Variants in MYO18B observed in about 807,000 individuals in gnomAD.
The protein encoded by MYO18B is myosin XVIIIB, also known as unconventional myosin-XVIIIb.
MYO18B carries 204 observed loss-of-function variants against 273.0 expected under a neutral mutation model. The observed-to-expected ratio is 0.75, with a 90% CI of 0.67 to 0.84. MYO18B has a LOEUF of 0.84. Ranked by LOEUF, MYO18B falls within the 40% of genes least tolerant of loss-of-function variation. The probability of loss-of-function intolerance (pLI) is 0.00; values close to 1 mark genes in which losing one functional copy is unlikely to be tolerated. For synonymous variants in MYO18B, 1,330 were observed against 1,305.7 expected, an observed-to-expected ratio of 1.02 and a Z score of -0.40; for missense variants, 3,212 against 3,287.6, an observed-to-expected ratio of 0.98 and a Z score of 0.56.
At chr22:25,997,697 A>C (rs1282262632) in intron 40 of MYO18B, among the ~76,000 whole-genome samples, 3 of 152,158 alleles carry the variant, frequency 2.0e-5, no homozygotes, top group Admixed American at 6.5e-5. Flanking sequence ...AAACAATGAA[A>C]AGAAGTATTT....
rs138506899 is a variant in MYO18B at position 25,869,473 on chromosome 22, AGAAG to A, written c.3951+1107_3951+1110del. ...TCAAAAAAAAAAAAAAAAAAAAAAA[AGAAG>A]GAAGGAAGGAAGGAAGGAGGGAGGG... On this transcript the variant is annotated intron_variant, in intron 22 of 43. Coordinates refer to ENST00000335473, the MANE Select transcript of MYO18B (RefSeq NM_032608.7). 1.3e-3 allele frequency among the ~76,000 whole-genome samples: 151 copies of A among 115,838 alleles called. 1 individual carries two copies. Among genetic ancestry groups the A allele is most frequent in the Middle Eastern group, 0.012 (3 of 248 alleles). The allele number at this position is 115,838 out of a possible 152,430, so 76.0% of individuals were successfully genotyped here.
intron 42 of MYO18B, among the ~76,000 whole-genome samples, chr22:26,015,005 T>TGATAA (rs1181094492): frequency 6.6e-6 from 1 of 151,428 alleles, no homozygotes; most frequent in Non-Finnish European, 1.5e-5. Context: ...TTCTGTAGGT[T>TGATAA]GTCTCTTCAC....
At chr22:25,826,622 G>A (rs2089502283) in intron 14 of MYO18B, 123 bp downstream of exon 14, 1 of 808,742 alleles carries the variant, frequency 1.2e-6, no homozygotes, top group Admixed American at 2.5e-5. Flanking sequence ...AAGGTGGACA[G>A]TGCTGGGTTT....
Position 25,757,447 on chromosome 22 carries a change from C to T in MYO18B, c.-109-3537C>T, listed in dbSNP as rs553136508. ...CCCATCTCTACAAAAAATTAGCGGG[C>T]GTGGTGGCACGTGCCTGTAGTCCCA... On this transcript the variant is annotated intron_variant, in intron 1 of 43. Coordinates refer to ENST00000335473, the MANE Select transcript of MYO18B (RefSeq NM_032608.7). Among the ~76,000 whole-genome samples the T allele has an allele frequency of 4.0e-4, 61 of 151,840 alleles. 1 individual carries two copies. In the Middle Eastern group the frequency reaches 0.01, roughly 26 times the overall value.
At chr22:25,904,900 G>C (rs2092009546) in intron 31 of MYO18B, among the ~76,000 whole-genome samples, 2 of 150,872 alleles carry the variant, frequency 1.3e-5, no homozygotes, top group Non-Finnish European at 2.9e-5. Flanking sequence ...TAAAATTCCT[G>C]GTGGCCAGAA....
intron 24 of MYO18B, among the ~76,000 whole-genome samples, chr22:25,876,559 T>C (rs1201924115): frequency 3.9e-5 from 6 of 152,150 alleles, no homozygotes; most frequent in Admixed American, 2.0e-4. Flanking sequence ...AGAGATGCTA[T>C]TACCACCCTG....
chr22:25,856,773 C>T (rs928318895), intron 21 of MYO18B, among the ~76,000 whole-genome samples: 1 of 152,174 alleles, frequency 6.6e-6, no homozygotes, highest in Non-Finnish European at 1.5e-5. Context: ...AGGAGTTTGA[C>T]AGAAGCAAAT....
intron 3 of MYO18B, among the ~76,000 whole-genome samples, chr22:25,763,927 A>T (rs2086416085): frequency 6.6e-6 from 1 of 152,218 alleles, no homozygotes; most frequent in Non-Finnish European, 1.5e-5. Context: ...TTGAGTTGGT[A>T]CTAACTGGTG....
chr22:25,987,969 C>T (rs1372325684), intron 39 of MYO18B, among the ~76,000 whole-genome samples: 2 of 152,156 alleles, frequency 1.3e-5, no homozygotes. Context: ...TCTCTCCATG[C>T]TTCAAATCTC....
intron 22 of MYO18B, among the ~76,000 whole-genome samples, chr22:25,869,449 C>CAAAA (rs58609325): frequency 1.6e-3 from 90 of 58,020 alleles, no homozygotes; most frequent in East Asian, 6.9e-3. Context: ...TACTGTGTCT[C>CAAAA]AAAAAAAAAA....
chr22:25,874,156 A>G, intron 22 of MYO18B, 130 bp from the exon 23 acceptor site: 2 of 1,122,874 alleles, frequency 1.8e-6, no homozygotes, highest in Non-Finnish European at 2.6e-6. Context: ...CCCACCTCCC[A>G]CTTAAAGGGC....
chr22:26,059,323 G>A, the MYO18B span, among the ~76,000 whole-genome samples: 1 of 152,186 alleles, frequency 6.6e-6, no homozygotes, highest in African/African-American at 2.4e-5. Context: ...AAAGGAAGAG[G>A]ACCCAAATGT....
downstream of MYO18B, among the ~76,000 whole-genome samples, chr22:26,035,606 A>G (rs753531239): frequency 6.6e-6 from 1 of 152,236 alleles, no homozygotes; most frequent in Admixed American, 6.5e-5. Context: ...TTTGTTGGCA[A>G]ACTCCAGGGG....
chr22:25,822,987 T>C (rs970029060), intron 12 of MYO18B, among the ~76,000 whole-genome samples: 1 of 152,240 alleles, frequency 6.6e-6, no homozygotes, highest in Admixed American at 6.5e-5. Context: ...CAAGGTTGTC[T>C]GGCTATTTAT....
chr22:25,830,350 A>G (rs2089660089), intron 15 of MYO18B, among the ~76,000 whole-genome samples: 1 of 152,184 alleles, frequency 6.6e-6, no homozygotes, highest in South Asian at 2.1e-4. Context: ...TGCGTAATAA[A>G]CTACCCCCAA....
the MYO18B span, among the ~76,000 whole-genome samples, chr22:26,051,216 CTTTTTTTTTTTTT>C: frequency 3.2e-5 from 3 of 92,586 alleles, no homozygotes; most frequent in Admixed American, 2.8e-4. Context: ...TAATTGGTCC[CTTTTTTTTTTTTT>C]TTTTTTTTTT....
At chr22:25,960,970 AAGACCCC>A in intron 39 of MYO18B, among the ~76,000 whole-genome samples, 1 of 152,084 alleles carries the variant, frequency 6.6e-6, no homozygotes, top group Non-Finnish European at 1.5e-5. Context: ...GCAACATAGC[AAGACCCC>A]ATCTCTATGA....
At chr22:25,777,329 G>A (rs946038609) in intron 7 of MYO18B, among the ~76,000 whole-genome samples, 25 of 152,202 alleles carry the variant, frequency 1.6e-4, no homozygotes, top group African/African-American at 5.8e-4. Flanking sequence ...TCTCATTCAA[G>A]CCTCTAACTA....
chr22:25,946,280 C>G (rs746248187), intron 35 of MYO18B, 30 bp downstream of exon 35: 7 of 1,480,886 alleles, frequency 4.7e-6, no homozygotes, highest in Non-Finnish European at 6.4e-6. Context: ...GCTGCAGGGA[C>G]CTGGGCCAGC....
Sources: allele counts gnomAD v4.1 joint callset (sites outside exome capture counted in the v4.1 genomes callset), GRCh38; gene constraint gnomAD v4.1.1; transcripts MANE v1.5; gene names NCBI Gene and HGNC (gene_info 2026-07-23, HGNC 2026-07-21).